MYO18A: variants seen among roughly 807,000 people sequenced by gnomAD.
MYO18A encodes unconventional myosin-XVIIIa.
Under a neutral mutation model 235.8 loss-of-function variants are expected in MYO18A, and 78 were observed. The ratio of observed to expected loss-of-function variants is 0.33; its 90% CI spans 0.28 to 0.40. MYO18A has a LOEUF of 0.40. Ranked by LOEUF, MYO18A falls within the 10% of genes least tolerant of loss-of-function variation. The pLI is 1.00. For synonymous variants in MYO18A, 977 were observed against 1,077.8 expected, an observed-to-expected ratio of 0.91 and a Z score of 1.83; for missense variants, 2,215 against 2,699.3, an observed-to-expected ratio of 0.82 and a Z score of 3.98.
Position 29,074,382 on chromosome 17 carries a change from A to C in MYO18A, c.*388T>G. 7.8e-6 allele frequency: 5 copies of C among 642,336 alleles called. No individual in the cohort carries two copies. The highest frequency in any genetic ancestry group is 8.1e-6 in the Non-Finnish European group (3 of 368,858). 39.8% of individuals were successfully genotyped at this position (642,336 alleles called of 1,614,324 possible). ...TGCTTCTCCTCCCCCAATCCTCCCC[A>C]TGGACCCAGCAACCTAGAGTGTCCC... is the stretch of plus-strand genomic sequence containing the variant. On this transcript the variant is annotated 3_prime_UTR_variant, in exon 42 of 42. Coordinates refer to ENST00000527372, the MANE Select transcript of MYO18A (RefSeq NM_078471.4). This position sits in a 1 kb window ranked among gnomAD's most constrained non-coding sequence, Gnocchi z 4.4.
chr17:29,094,101 T>G lies in MYO18A; in HGVS notation c.4711-11A>C, dbSNP rs768182927. 6.9e-6 allele frequency: 11 copies of G among 1,590,698 alleles called. No homozygotes were observed. The highest frequency in any genetic ancestry group is 9.4e-6 in the Non-Finnish European group (11 of 1,167,940). ...CAGACGCAGCTTGGCCTGGAGGTGG[T>G]TGGAGTAGGGTCTGGGTTCCCTCCC... On this transcript the variant is annotated splice_polypyrimidine_tract_variant and intron_variant, in intron 30 of 41. Transcript: ENST00000527372.
At chr17:29,116,388 C>T (rs2067061248) in intron 11 of MYO18A, 56 bp downstream of exon 11, 1 of 1,607,974 alleles carries the variant, frequency 6.2e-7, no homozygotes, top group African/African-American at 1.3e-5. Flanking sequence ...TGTGCCTCAG[C>T]CAACATGTGT....
At chr17:29,130,956 C>T (rs1366627021) in intron 2 of MYO18A, among the ~76,000 whole-genome samples, 1 of 152,184 alleles carries the variant, frequency 6.6e-6, no homozygotes, top group African/African-American at 2.4e-5. Flanking sequence ...TTGTGCCACC[C>T]AGAGCAGGCT....
chr17:29,099,783 T>G, intron 21 of MYO18A, 21 bp from the exon 22 acceptor site: 1 of 1,608,254 alleles, frequency 6.2e-7, no homozygotes, highest in Non-Finnish European at 8.5e-7. Flanking sequence ...GCAGGCCAGG[T>G]GAAGGCAGGA....
At chr17:29,161,518 A>AG (rs1394418801) in intron 2 of MYO18A, among the ~76,000 whole-genome samples, 1 of 151,826 alleles carries the variant, frequency 6.6e-6, no homozygotes, top group African/African-American at 2.4e-5. Flanking sequence ...AAAAAAAAAA[A>AG]AAAAAGAAAA....
At chr17:29,127,344 A>G (rs551164885) in intron 2 of MYO18A, among the ~76,000 whole-genome samples, 1 of 152,332 alleles carries the variant, frequency 6.6e-6, no homozygotes, top group Non-Finnish European at 1.5e-5. Context: ...AAAGATTACT[A>G]ATTTCCAAAA....
At position 29,110,632 on chromosome 17, in the gene MYO18A, G is replaced by T. The variant is rs375273021; in HGVS notation, c.2901-10C>A. 15 of 1,600,526 alleles carry T rather than the reference G, an allele frequency of 9.4e-6. No homozygotes were observed. Among genetic ancestry groups the T allele is most frequent in the African/African-American group, 1.3e-5 (1 of 74,692 alleles). ...GTTGCTGATGATTTTTCTGCCAGAGGTGGGAGGATAAGGGAGGAAAAGCAG... is the reference window on the plus strand; with the variant it reads ...GTTGCTGATGATTTTTCTGCCAGAGTTGGGAGGATAAGGGAGGAAAAGCAG... On this transcript the variant is annotated splice_polypyrimidine_tract_variant and intron_variant, in intron 17 of 41. Transcript: ENST00000527372.
chr17:29,161,258 G>A (rs1490036299), intron 2 of MYO18A, among the ~76,000 whole-genome samples: 1 of 151,836 alleles, frequency 6.6e-6, no homozygotes, highest in African/African-American at 2.4e-5. Flanking sequence ...AGGAGGCTGA[G>A]GCAGGAGAAT....
chr17:29,083,754 C>G (rs1598271118), intron 40 of MYO18A, among the ~76,000 whole-genome samples: 1 of 152,284 alleles, frequency 6.6e-6, no homozygotes, highest in East Asian at 1.9e-4. Context: ...CCGAGCCTGG[C>G]AGATTTACTG....
chr17:29,076,199 C>G (rs531434384), intron 41 of MYO18A: 2 of 152,640 alleles, frequency 1.3e-5, no homozygotes, highest in Non-Finnish European at 2.9e-5. Flanking sequence ...TGAAATATTA[C>G]GAGGAAGCCA....
At chr17:29,116,484 T>C (rs753929546) in intron 10 of MYO18A, 29 bp from the exon 11 acceptor site, 7 of 1,613,736 alleles carry the variant, frequency 4.3e-6, no homozygotes, top group South Asian at 2.2e-5. Context: ...GCATGCAGCA[T>C]GCAAAGAAAA....
chr17:29,120,841 G>C lies in MYO18A; in HGVS notation c.1586-83C>G. On this transcript the variant is annotated intron_variant, in intron 6 of 41. Coordinates refer to ENST00000527372, the MANE Select transcript of MYO18A (RefSeq NM_078471.4). The surrounding 1 kb of genome is among the most constrained non-coding windows in gnomAD (Gnocchi z 4.2). Reference sequence around the variant, plus strand: ...CTAGGAGCTACCCCAGAGGTATGAAGGCTTGGGGCCATTCAGACCAGAACT... The same window carrying C: ...CTAGGAGCTACCCCAGAGGTATGAACGCTTGGGGCCATTCAGACCAGAACT... The C allele has an allele frequency of 1.3e-6, 2 of 1,570,460 alleles. No individual in the cohort carries two copies. The highest frequency in any genetic ancestry group is 1.7e-6 in the Non-Finnish European group (2 of 1,155,296).
At position 29,111,665 on chromosome 17, in the gene MYO18A, G is replaced by A. The variant is rs1286916651; in HGVS notation, c.2740+57C>T. 1 of 1,611,888 alleles carries A rather than the reference G, an allele frequency of 6.2e-7. No individual in the cohort carries two copies. The highest frequency in any genetic ancestry group is 1.3e-5 in the African/African-American group (1 of 74,976). On this transcript the variant is annotated intron_variant, in intron 16 of 41. Transcript: ENST00000527372. The surrounding 1 kb of genome is among the most constrained non-coding windows in gnomAD (Gnocchi z 5.1). Reference sequence around the variant, plus strand: ...CGCCCCCTCCCAGGGAGTGCCACCTGGACCCACCTGTATGTAAGAGGAAGC... The same window carrying A: ...CGCCCCCTCCCAGGGAGTGCCACCTAGACCCACCTGTATGTAAGAGGAAGC...
chr17:29,169,013 T>TA (rs939929735), intron 1 of MYO18A, among the ~76,000 whole-genome samples: 2 of 151,748 alleles, frequency 1.3e-5, no homozygotes, highest in African/African-American at 4.8e-5. Context: ...CTACTAAAAA[T>TA]ACAAAAACTG....
In MYO18A at chr17:29,117,188, A is replaced by T. The variant is rs1258131460; in HGVS notation, c.2039-733T>A. Among the ~76,000 whole-genome samples, 1 of 152,168 alleles carries T rather than the reference A, an allele frequency of 6.6e-6. No homozygotes were observed. The highest frequency in any genetic ancestry group is 1.5e-5 in the Non-Finnish European group (1 of 68,022). ...TAAACTGGAGAAAAAGGGGGTGAAG[A>T]GGTGCTCGAATCGCCATCCTCCAAC... On this transcript the variant is annotated intron_variant, in intron 10 of 41. Coordinates refer to ENST00000527372, the MANE Select transcript of MYO18A (RefSeq NM_078471.4). The surrounding 1 kb of genome is among the most constrained non-coding windows in gnomAD (Gnocchi z 4.6).
intron 2 of MYO18A, among the ~76,000 whole-genome samples, chr17:29,148,771 G>A (rs1187308779): frequency 2.6e-5 from 4 of 152,178 alleles, no homozygotes; most frequent in African/African-American, 9.7e-5. Context: ...GCCTAGGGAT[G>A]GTCTCAGAGA....
chr17:29,080,191 T>C (rs2066085035), intron 41 of MYO18A: 1 of 986,026 alleles, frequency 1.0e-6, no homozygotes, highest in Non-Finnish European at 1.2e-6. Context: ...GCTCTTCCTG[T>C]CATCCTCCTC....
chr17:29,082,431 C>T lies in MYO18A; in HGVS notation c.5905G>A (p.Asp1969Asn). The change falls in exon 41 of 42, where the codon GAC becomes AAC. Residue 1969 changes from aspartate (D) to asparagine (N), a missense_variant. Coordinates refer to ENST00000527372, the MANE Select transcript of MYO18A (RefSeq NM_078471.4). ...YQKRKNKLEG[D>N]SDVDSELEDR... ...TCCAGCTCCGAGTCCACATCAGAGTCTCCCTCACTGTAGGGATGAGGAGCA... is the reference window on the plus strand; with the variant it reads ...TCCAGCTCCGAGTCCACATCAGAGTTTCCCTCACTGTAGGGATGAGGAGCA... The T allele has an allele frequency of 6.2e-7, 1 of 1,613,138 alleles. No individual in the cohort carries two copies. Among genetic ancestry groups the T allele is most frequent in the East Asian group, 2.2e-5 (1 of 44,874 alleles).
chr17:29,140,446 C>A lies in MYO18A; in HGVS notation c.1000-18193G>T. On this transcript the variant is annotated intron_variant, in intron 2 of 41. Transcript: ENST00000527372. The surrounding 1 kb of genome is among the most constrained non-coding windows in gnomAD (Gnocchi z 4.2). ...GCACAGGCTGTGGCCCCGCCCAGTT[C>A]CCGCCCTCTCCCCGGCCCCTCCCGT... 1 of 1,227,382 alleles carries A rather than the reference C, an allele frequency of 8.1e-7. No individual in the cohort carries two copies. The highest frequency in any genetic ancestry group is 1.0e-6 in the Non-Finnish European group (1 of 962,174). The allele number at this position is 1,227,382 out of a possible 1,614,324, so 76.0% of individuals were successfully genotyped here. A position where few individuals can be genotyped will look rare whatever the true frequency, so the allele number is the denominator to read the frequency against.
Sources: allele counts gnomAD v4.1 joint callset (sites outside exome capture counted in the v4.1 genomes callset), GRCh38; gene constraint gnomAD v4.1.1; non-coding constraint Gnocchi (gnomAD v3.1); transcripts MANE v1.5; gene names NCBI Gene and HGNC (gene_info 2026-07-23, HGNC 2026-07-21).